The following WDR49 variants were observed in gnomAD, a reference collection of about 807,000 sequenced individuals.
WDR49 encodes WD repeat domain 49, also known as cilia- and flagella-associated protein 337.
Under a neutral mutation model 119.5 loss-of-function variants are expected in WDR49, and 107 were observed. The ratio of observed to expected loss-of-function variants is 0.90; its 90% CI spans 0.77 to 1.05. The LOEUF (loss-of-function observed/expected upper bound fraction) is 1.05, where lower values mean the gene tolerates loss of function less well. WDR49 is among the 50% of genes least tolerant of loss of function. The pLI is 0.00. For synonymous variants in WDR49, 425 were observed against 418.8 expected, an observed-to-expected ratio of 1.01 and a Z score of -0.18; for missense variants, 1,240 against 1,220.5, an observed-to-expected ratio of 1.02 and a Z score of -0.24.
At chr3:167,567,917 C>T (rs1713700724) in intron 8 of WDR49, among the ~76,000 whole-genome samples, 2 of 152,202 alleles carry the variant, frequency 1.3e-5, no homozygotes, top group South Asian at 4.1e-4. Context: ...TCATGTTGTA[C>T]AGCCAAAAGA....
intron 18 of WDR49, among the ~76,000 whole-genome samples, chr3:167,495,958 T>C (rs1751340792): frequency 6.7e-6 from 1 of 149,694 alleles, no homozygotes; most frequent in Non-Finnish European, 1.5e-5. Context: ...AAAAATCCTT[T>C]CAGAGTCAAA....
intron 10 of WDR49, among the ~76,000 whole-genome samples, chr3:167,537,480 T>C (rs1711532725): frequency 6.6e-6 from 1 of 152,132 alleles, no homozygotes. Context: ...ACTTACCTGA[T>C]CACAGAATCC....
chr3:167,594,944 G>T (rs1416842808), intron 7 of WDR49, among the ~76,000 whole-genome samples: 2 of 150,612 alleles, frequency 1.3e-5, no homozygotes, highest in Non-Finnish European at 2.9e-5. Context: ...CTTTGCAGAC[G>T]ACATGATTGT....
intron 7 of WDR49, among the ~76,000 whole-genome samples, chr3:167,576,454 T>A (rs989958018): frequency 6.6e-6 from 1 of 152,194 alleles, no homozygotes; most frequent in African/African-American, 2.4e-5. Context: ...GATGTCCATG[T>A]CCTAATTCCC....
intron 3 of WDR49, among the ~76,000 whole-genome samples, chr3:167,622,727 A>G (rs939210239): frequency 3.3e-5 from 5 of 152,162 alleles, no homozygotes; most frequent in Non-Finnish European, 7.4e-5. Flanking sequence ...GATCTAATGT[A>G]TGTCTAAAGA....
chr3:167,524,578 T>G (rs556965169), intron 15 of WDR49, among the ~76,000 whole-genome samples: 3 of 152,322 alleles, frequency 2.0e-5, no homozygotes, highest in South Asian at 4.1e-4. Context: ...GAGTTAATTT[T>G]TGTATAAGGT....
In WDR49 at chr3:167,603,243, C is replaced by G. The variant is rs186789182; in HGVS notation, c.1127-968G>C. On this transcript the variant is annotated intron_variant, in intron 6 of 18. Transcript: ENST00000682715. ...TCCTAGCTTAGGGCCAGTTGTGGAGCTGAACTTAATCATCCTTATTTTTTC... is the reference window on the plus strand; with the variant it reads ...TCCTAGCTTAGGGCCAGTTGTGGAGGTGAACTTAATCATCCTTATTTTTTC... 2.3e-3 allele frequency among the ~76,000 whole-genome samples: 352 copies of G among 152,202 alleles called. 1 individual carries two copies. Among genetic ancestry groups the G allele is most frequent in the African/African-American group, 7.9e-3 (327 of 41,544 alleles).
intron 7 of WDR49, among the ~76,000 whole-genome samples, chr3:167,594,897 G>C (rs1323689525): frequency 6.0e-5 from 9 of 150,220 alleles, no homozygotes; most frequent in East Asian, 2.0e-4. Context: ...GAAATAAAGG[G>C]TATTCAATTA....
intron 10 of WDR49, among the ~76,000 whole-genome samples, chr3:167,539,930 C>T (rs1181243281): frequency 4.6e-5 from 7 of 152,140 alleles, no homozygotes; most frequent in Admixed American, 4.6e-4. Flanking sequence ...CCACGATAGG[C>T]ATTTAACAAA....
chr3:167,598,779 T>G (rs1715620082), intron 7 of WDR49, among the ~76,000 whole-genome samples: 1 of 152,246 alleles, frequency 6.6e-6, no homozygotes, highest in Non-Finnish European at 1.5e-5. Flanking sequence ...TGTTGTGATA[T>G]AGGTGTATCT....
At chr3:167,539,821 C>T (rs527290498) in intron 10 of WDR49, among the ~76,000 whole-genome samples, 116 of 152,200 alleles carry the variant, frequency 7.6e-4, no homozygotes, top group African/African-American at 2.7e-3. Flanking sequence ...TCTATATTTA[C>T]TTGTTTATGT....
intron 2 of WDR49, among the ~76,000 whole-genome samples, chr3:167,634,372 T>C (rs947930109): frequency 1.3e-5 from 2 of 151,926 alleles, no homozygotes; most frequent in African/African-American, 4.8e-5. Flanking sequence ...TATTAAATTG[T>C]CTACAATTGT....
At chr3:167,611,724 T>C (rs1716348508) in intron 5 of WDR49, among the ~76,000 whole-genome samples, 1 of 151,962 alleles carries the variant, frequency 6.6e-6, no homozygotes, top group Non-Finnish European at 1.5e-5. Flanking sequence ...AGACAAAAAC[T>C]ATAAAAAGAT....
At chr3:167,567,003 T>C (rs1713645699) in intron 8 of WDR49, 1 of 488,902 alleles carries the variant, frequency 2.0e-6, no homozygotes, top group Non-Finnish European at 3.6e-6. Context: ...GTGGGCACAC[T>C]TGGTGTAACT....
intron 15 of WDR49, among the ~76,000 whole-genome samples, chr3:167,526,980 G>C (rs144690383): frequency 6.6e-6 from 1 of 152,088 alleles, no homozygotes; most frequent in Admixed American, 6.6e-5. Flanking sequence ...GTCCGCAAAA[G>C]CACAAATGGA....
chr3:167,564,768 A>G (rs1713491328), intron 8 of WDR49, among the ~76,000 whole-genome samples: 1 of 152,124 alleles, frequency 6.6e-6, no homozygotes, highest in Admixed American at 6.5e-5. Context: ...TGTTTCTCTC[A>G]TCTGAAGCTG....
intron 5 of WDR49, among the ~76,000 whole-genome samples, chr3:167,612,063 A>G (rs1216489720): frequency 6.6e-5 from 10 of 152,230 alleles, no homozygotes; most frequent in Admixed American, 6.5e-4. Flanking sequence ...AATCATTCTC[A>G]AGGATATACC....
intron 9 of WDR49, among the ~76,000 whole-genome samples, chr3:167,558,115 C>T (rs192752583): frequency 3.4e-4 from 51 of 151,928 alleles, no homozygotes; most frequent in African/African-American, 1.1e-3. Context: ...AATGATTGAA[C>T]GAAAATAAAC....
intron 11 of WDR49, among the ~76,000 whole-genome samples, chr3:167,536,458 T>A (rs1221725146): frequency 1.3e-5 from 2 of 151,668 alleles, no homozygotes; most frequent in African/African-American, 2.4e-5. Context: ...GCAGGTGAAT[T>A]GCTTGAGCTC....
Sources: allele counts gnomAD v4.1 joint callset (sites outside exome capture counted in the v4.1 genomes callset), GRCh38; gene constraint gnomAD v4.1.1; transcripts MANE v1.5; gene names NCBI Gene and HGNC (gene_info 2026-07-23, HGNC 2026-07-21).